The following HTR3B variants were observed in gnomAD, a reference collection of about 807,000 sequenced individuals.
HTR3B encodes 5-hydroxytryptamine receptor 3B.
Under a neutral mutation model 42.8 loss-of-function variants are expected in HTR3B, and 44 were observed. The observed-to-expected ratio is 1.03, with a 90% CI of 0.81 to 1.32. The LOEUF (loss-of-function observed/expected upper bound fraction) is 1.32. Among genes scored for constraint, HTR3B ranks in the 40% most tolerant of loss-of-function variants. The pLI, the probability that HTR3B is intolerant of heterozygous loss-of-function variation, is 0.00. For synonymous variants in HTR3B, 203 were observed against 209.0 expected (o/e 0.97, Z 0.25); for missense variants, 527 against 536.5 (o/e 0.98, Z 0.17).
chr11:113,933,091 A>C lies in HTR3B; in HGVS notation c.694A>C (p.Asn232His). The C allele has an allele frequency of 6.2e-7, 1 of 1,612,846 alleles. No individual in the cohort carries two copies. Among genetic ancestry groups the C allele is most frequent in the Middle Eastern group, 1.7e-4 (1 of 6,036 alleles). Residue 232 changes from asparagine to histidine, a missense_variant and splice_region_variant, in exon 6 of 9, where the codon AAT (asparagine) becomes CAT (histidine). By Grantham distance (68) the Asn-to-His change is moderately conservative. Coordinates refer to ENST00000260191, the MANE Select transcript of HTR3B (RefSeq NM_006028.5). The stretch of plus-strand genomic sequence containing the variant: ...TGGAGGATTTGCACAGATTCAGTTT[A>C]ATGTAGGTTCTTTACTACCTGTCCC... ...SAGGFAQIQF[N>H]VVMRRHPLVY...
upstream of HTR3B, among the ~76,000 whole-genome samples, chr11:113,899,824 C>A (rs934488492): frequency 6.6e-6 from 1 of 152,132 alleles, no homozygotes; most frequent in African/African-American, 2.4e-5. Flanking sequence ...TGCAAAGGCT[C>A]ATGGGGATGT....
rs765786534 is a variant in HTR3B, at chr11:113,921,617, C to CAA, written c.214-9752_214-9751dup. Among the ~76,000 whole-genome samples, 656 of 95,638 alleles carry CAA rather than the reference C, an allele frequency of 6.9e-3. 3 individuals carry two copies. The highest frequency in any genetic ancestry group is 0.022 in the African/African-American group (610 of 27,154). The allele number at this position is 95,638 out of a possible 152,430, so 62.7% of individuals were successfully genotyped here. On this transcript the variant is annotated intron_variant, in intron 2 of 8. Coordinates refer to ENST00000260191, the MANE Select transcript of HTR3B (RefSeq NM_006028.5). ...TTGGCGACAGAATGAGACTCCGTCT[C>CAA]AAAAAAAAAAAAAAAATTGCTCAGG...
intron 6 of HTR3B, among the ~76,000 whole-genome samples, chr11:113,934,229 A>G (rs1258219226): frequency 6.6e-6 from 1 of 152,118 alleles, no homozygotes; most frequent in Non-Finnish European, 1.5e-5. Context: ...TTTACTAAAA[A>G]TACAAAAACT....
At chr11:113,909,533 A>G in intron 2 of HTR3B, 78 bp downstream of exon 2, 2 of 1,196,240 alleles carry the variant, frequency 1.7e-6, no homozygotes, top group South Asian at 2.9e-5. Flanking sequence ...AGCCTATGAG[A>G]GGTTATATTC....
chr11:113,906,567 A>C (rs989469834), intron 1 of HTR3B, among the ~76,000 whole-genome samples: 1 of 152,180 alleles, frequency 6.6e-6, no homozygotes, highest in Non-Finnish European at 1.5e-5. Flanking sequence ...CTGTCCAATA[A>C]TATACTCCAT....
At chr11:113,916,766 T>C (rs1949857908) in intron 2 of HTR3B, among the ~76,000 whole-genome samples, 2 of 152,222 alleles carry the variant, frequency 1.3e-5, no homozygotes, top group Admixed American at 6.5e-5. Flanking sequence ...TTGGTTAAAT[T>C]TATTCCTAAG....
At chr11:113,927,416 A>G (rs1272371781) in intron 2 of HTR3B, among the ~76,000 whole-genome samples, 1 of 152,224 alleles carries the variant, frequency 6.6e-6, no homozygotes, top group Non-Finnish European at 1.5e-5. Context: ...TGTAGAAAAT[A>G]CAGAAGAATA....
chr11:113,901,403 T>G (rs1949697043), upstream of HTR3B, among the ~76,000 whole-genome samples: 1 of 148,652 alleles, frequency 6.7e-6, no homozygotes, highest in Non-Finnish European at 1.5e-5. Flanking sequence ...ATCACACCAC[T>G]GCATTCCAGC....
chr11:113,941,729 C>T (rs540702964), intron 6 of HTR3B, among the ~76,000 whole-genome samples: 1 of 152,224 alleles, frequency 6.6e-6, no homozygotes, highest in East Asian at 1.9e-4. Context: ...GGGTACTTAG[C>T]TCTCCATTTC....
chr11:113,944,200 A>G (rs1591589764), intron 7 of HTR3B, among the ~76,000 whole-genome samples: 1 of 151,736 alleles, frequency 6.6e-6, no homozygotes, highest in Admixed American at 6.6e-5. Flanking sequence ...TTTGTATTTT[A>G]GTATAGACGG....
chr11:113,906,310 G>C (rs1002008985), intron 1 of HTR3B, among the ~76,000 whole-genome samples: 1 of 152,120 alleles, frequency 6.6e-6, no homozygotes, highest in Non-Finnish European at 1.5e-5. Flanking sequence ...CAATCCCAGG[G>C]GGCAGTGTGC....
At position 113,946,679 on chromosome 11, in the gene HTR3B, T is replaced by C. The variant is rs1837758464; in HGVS notation, c.*542T>C. On this transcript the variant is annotated 3_prime_UTR_variant, in exon 9 of 9. Transcript: ENST00000260191. The stretch of plus-strand genomic sequence containing the variant: ...TATACAGTAAAAAAGTAAACTTTCC[T>C]TCTTATCCCAGTCCACTCACCCAAA... 1 of 152,320 alleles carries C rather than the reference T, an allele frequency of 6.6e-6. No homozygotes were observed. Among genetic ancestry groups the C allele is most frequent in the African/African-American group, 2.4e-5 (1 of 41,466 alleles). 9.4% of individuals were successfully genotyped at this position (152,320 alleles called of 1,614,324 possible).
chr11:113,931,686 G>T lies in HTR3B; in HGVS notation c.259-72G>T. 5 of 898,176 alleles carry T rather than the reference G, an allele frequency of 5.6e-6. No individual in the cohort carries two copies. In the South Asian group the frequency reaches 6.8e-5, roughly 12 times the overall value. The allele number at this position is 898,176 out of a possible 1,614,324, so 55.6% of individuals were successfully genotyped here. ...GATAAATTGGATTATTAATCCAAAT[G>T]CCTCTTTAGTTCTTTAGCGAAGTAG... On this transcript the variant is annotated intron_variant, in intron 3 of 8. Coordinates refer to ENST00000260191, the MANE Select transcript of HTR3B (RefSeq NM_006028.5).
chr11:113,911,999 G>T (rs1389200832), intron 2 of HTR3B, among the ~76,000 whole-genome samples: 1 of 152,146 alleles, frequency 6.6e-6, no homozygotes, highest in Non-Finnish European at 1.5e-5. Context: ...AAGTTTTATT[G>T]TGTGTACTCG....
Position 113,904,901 on chromosome 11 carries a change from T to A in HTR3B, c.-33T>A. ...AGCGGCATTCCATCTGGTAGGCAAG[T>A]TTGCATTTCTCCTTTTTGGGATCTG... On this transcript the variant is annotated 5_prime_UTR_variant, in exon 1 of 9. Coordinates refer to ENST00000260191, the MANE Select transcript of HTR3B (RefSeq NM_006028.5). 1 of 1,592,942 alleles carries A rather than the reference T, an allele frequency of 6.3e-7. No individual in the cohort carries two copies. Among genetic ancestry groups the A allele is most frequent in the South Asian group, 1.1e-5 (1 of 90,596 alleles).
chr11:113,946,172 T>A lies in HTR3B; in HGVS notation c.*35T>A. 1 of 1,516,260 alleles carries A rather than the reference T, an allele frequency of 6.6e-7. No individual in the cohort carries two copies. Among genetic ancestry groups the A allele is most frequent in the Non-Finnish European group, 9.1e-7 (1 of 1,093,764 alleles). The allele number at this position is 1,516,260 out of a possible 1,614,324, so 93.9% of individuals were successfully genotyped here. On this transcript the variant is annotated 3_prime_UTR_variant, in exon 9 of 9. Coordinates refer to ENST00000260191, the MANE Select transcript of HTR3B (RefSeq NM_006028.5). Reference sequence around the variant, plus strand: ...TGTTCTTCAGTAATTGTGCTGGCACTTAGGAGAGAGAGGAGGGGGAATAAT... The same window carrying A: ...TGTTCTTCAGTAATTGTGCTGGCACATAGGAGAGAGAGGAGGGGGAATAAT...
In HTR3B at chr11:113,943,034, G is replaced by A. The variant is rs768426203; in HGVS notation, c.749G>A (p.Ser250Asn). Residue 250 changes from serine (S) to asparagine (N), a missense_variant, in exon 7 of 9, where the codon AGC becomes AAC. Physicochemically the swap from Ser to Asn is conservative, Grantham distance 46. Transcript: ENST00000260191. ...LVYVVSLLIP[S>N]IFLMLVDLGS... ...TATGTCGTGAGTCTGCTGATTCCTA[G>A]CATCTTTCTCATGCTGGTGGACCTG... 42 of 1,613,934 alleles carry A rather than the reference G, an allele frequency of 2.6e-5. No individual in the cohort carries two copies. Among genetic ancestry groups the A allele is most frequent in the South Asian group, 1.5e-4 (14 of 91,078 alleles).
chr11:113,906,438 A>G (rs1431369352), intron 1 of HTR3B, among the ~76,000 whole-genome samples: 1 of 152,144 alleles, frequency 6.6e-6, no homozygotes, highest in Non-Finnish European at 1.5e-5. Context: ...CTGTAAGCTA[A>G]CTTTATTTTG....
In HTR3B at chr11:113,946,055, T is replaced by C. The variant is rs1471569742; in HGVS notation, c.1244T>C (p.Leu415Pro). Residue 415 changes from leucine (L) to proline (P), a missense_variant, in exon 9 of 9, where the codon CTG becomes CCG. Physicochemically the swap from Leu to Pro is moderately conservative, Grantham distance 98 (BLOSUM62 -3). Transcript: ENST00000260191. ...GTCCTCCTGTCCCGCTTTGACCGAC[T>C]GCTCTTCCAAAGCTACCTTTTCATG... ...WLVLLSRFDR[L>P]LFQSYLFMLG... is the part of the protein sequence containing the mutation. 1.2e-6 allele frequency: 2 copies of C among 1,614,094 alleles called. No homozygotes were observed. The highest frequency in any genetic ancestry group is 1.7e-6 in the Non-Finnish European group (2 of 1,180,008).
Sources: gnomAD v4.1 joint callset for allele counts (sites outside exome capture counted in the v4.1 genomes callset) on GRCh38, gnomAD v4.1.1 for gene constraint, MANE v1.5 for transcripts, NCBI Gene and HGNC (gene_info 2026-07-23, HGNC 2026-07-21) for gene names.